The following KCNJ3 variants were observed in gnomAD, a reference collection of about 807,000 sequenced individuals.
KCNJ3 encodes potassium inwardly rectifying channel subfamily J member 3, also known as G protein-activated inward rectifier potassium channel 1.
A neutral mutation model predicts 39.2 loss-of-function variants in KCNJ3; 4 were observed. That is an observed-to-expected ratio of 0.10 (90% CI 0.05 to 0.23). The LOEUF is 0.23. Among genes scored for constraint, KCNJ3 ranks in the 10% least tolerant of loss-of-function variants. The pLI is 1.00. For synonymous variants in KCNJ3, 230 were observed against 237.4 expected (o/e 0.97, Z 0.29); for missense variants, 276 against 634.9 (o/e 0.43, Z 6.08).
At chr2:154,799,275 G>A (rs145833957) in intron 2 of KCNJ3, among the ~76,000 whole-genome samples, 2 of 152,054 alleles carry the variant, frequency 1.3e-5, no homozygotes, top group African/African-American at 2.4e-5. Flanking sequence ...GGATAGCTGG[G>A]GTTATAGGTG....
intron 2 of KCNJ3, among the ~76,000 whole-genome samples, chr2:154,739,544 G>A (rs1685608842): frequency 6.6e-6 from 1 of 151,832 alleles, no homozygotes; most frequent in South Asian, 2.1e-4. Flanking sequence ...CTTCACCTTC[G>A]TTTTCATGTA....
At chr2:154,738,609 G>T (rs1189557817) in intron 2 of KCNJ3, among the ~76,000 whole-genome samples, 1 of 151,780 alleles carries the variant, frequency 6.6e-6, no homozygotes, top group Non-Finnish European at 1.5e-5. Context: ...AATTAAATTA[G>T]TGTAGACAAT....
intron 2 of KCNJ3, among the ~76,000 whole-genome samples, chr2:154,819,077 G>A (rs1335560542): frequency 6.6e-6 from 1 of 151,784 alleles, no homozygotes; most frequent in Non-Finnish European, 1.5e-5. Context: ...AGGCAGGATT[G>A]CTGGAGCCTA....
chr2:154,712,974 C>G (rs1475888221), intron 2 of KCNJ3, among the ~76,000 whole-genome samples: 3 of 151,550 alleles, frequency 2.0e-5, no homozygotes, highest in African/African-American at 7.3e-5. Flanking sequence ...TGCAAGGGCC[C>G]TGAGCTGGGA....
At chr2:154,705,133 T>C (rs1049958558) in intron 1 of KCNJ3, among the ~76,000 whole-genome samples, 2 of 152,278 alleles carry the variant, frequency 1.3e-5, no homozygotes, top group East Asian at 3.9e-4. Flanking sequence ...CAGAATTCCT[T>C]AAGCCTCACT....
chr2:154,845,143 A>C (rs1687644533), intron 2 of KCNJ3, among the ~76,000 whole-genome samples: 1 of 152,172 alleles, frequency 6.6e-6, no homozygotes, highest in African/African-American at 2.4e-5. Context: ...TTTTTGAGAC[A>C]GAGTCTGCTC....
intron 2 of KCNJ3, among the ~76,000 whole-genome samples, chr2:154,783,664 A>G (rs1686478672): frequency 6.6e-6 from 1 of 152,200 alleles, no homozygotes; most frequent in Admixed American, 6.5e-5. Context: ...CCAAGGCACA[A>G]AGAGGTGAAA....
intron 2 of KCNJ3, among the ~76,000 whole-genome samples, chr2:154,794,486 G>C (rs1686686420): frequency 6.6e-6 from 1 of 151,968 alleles, no homozygotes; most frequent in Non-Finnish European, 1.5e-5. Flanking sequence ...TTTTGAGGTT[G>C]GTGCTTGTTC....
intron 2 of KCNJ3, among the ~76,000 whole-genome samples, chr2:154,802,226 G>A (rs945281618): frequency 2.6e-5 from 4 of 151,196 alleles, no homozygotes; most frequent in African/African-American, 4.9e-5. Flanking sequence ...TCTCTTATGC[G>A]CTACCTGTAG....
chr2:154,833,452 C>T (rs1246677279), intron 2 of KCNJ3, among the ~76,000 whole-genome samples: 2 of 152,288 alleles, frequency 1.3e-5, no homozygotes, highest in Admixed American at 1.3e-4. Flanking sequence ...GCATGTTCCC[C>T]CCAGCCCAAT....
chr2:154,732,069 T>C (rs929233011), intron 2 of KCNJ3, among the ~76,000 whole-genome samples: 5 of 152,088 alleles, frequency 3.3e-5, no homozygotes, highest in East Asian at 1.9e-4. Flanking sequence ...TTGCCTCTTA[T>C]AAGTCGAAGT....
chr2:154,764,090 G>A (rs1425285591), intron 2 of KCNJ3, among the ~76,000 whole-genome samples: 2 of 152,308 alleles, frequency 1.3e-5, no homozygotes, highest in Admixed American at 6.5e-5. Flanking sequence ...TCTCAAGTGT[G>A]ATATCAATGT....
intron 2 of KCNJ3, among the ~76,000 whole-genome samples, chr2:154,768,170 T>G (rs555759125): frequency 6.6e-6 from 1 of 152,260 alleles, no homozygotes. Context: ...TCTTTTGCTG[T>G]GCAGAAGCTC....
At chr2:154,759,545 T>C (rs968797506) in intron 2 of KCNJ3, among the ~76,000 whole-genome samples, 3 of 152,054 alleles carry the variant, frequency 2.0e-5, no homozygotes, top group African/African-American at 7.2e-5. Flanking sequence ...ATATTTGTTT[T>C]TTTCTTTTAA....
chr2:154,755,200 C>T (rs1197262703), intron 2 of KCNJ3, among the ~76,000 whole-genome samples: 1 of 151,998 alleles, frequency 6.6e-6, no homozygotes, highest in African/African-American at 2.4e-5. Flanking sequence ...TTTTGAATTT[C>T]TCCATTGTAT....
chr2:154,702,494 T>C (rs1684921323), intron 1 of KCNJ3, among the ~76,000 whole-genome samples: 1 of 151,952 alleles, frequency 6.6e-6, no homozygotes, highest in Admixed American at 6.5e-5. Flanking sequence ...TCATGTATAA[T>C]AGTTTTTAAA....
intron 2 of KCNJ3, among the ~76,000 whole-genome samples, chr2:154,763,912 C>T (rs1037646451): frequency 6.6e-6 from 1 of 152,172 alleles, no homozygotes; most frequent in African/African-American, 2.4e-5. Flanking sequence ...TACTACGTCC[C>T]TTCTTTCTCT....
At chr2:154,765,759 C>T (rs1011252491) in intron 2 of KCNJ3, among the ~76,000 whole-genome samples, 2 of 152,160 alleles carry the variant, frequency 1.3e-5, no homozygotes, top group Non-Finnish European at 2.9e-5. Flanking sequence ...AATACAATAA[C>T]TTTACATACA....
intron 2 of KCNJ3, among the ~76,000 whole-genome samples, chr2:154,825,783 T>TGCCCAGGCTGGTCTC (rs78416630): frequency 0.19 from 28,161 of 150,904 alleles, 3,019 homozygotes; most frequent in East Asian, 0.36. Context: ...CTCACTATGT[T>TGCCCAGGCTGGTCTC]GCCCAGGCTG....
Sources: gnomAD v4.1 joint callset for allele counts (sites outside exome capture counted in the v4.1 genomes callset) on GRCh38, gnomAD v4.1.1 for gene constraint, MANE v1.5 for transcripts, NCBI Gene and HGNC (gene_info 2026-07-23, HGNC 2026-07-21) for gene names.